The following DOCK10 variants were observed in gnomAD, a reference collection of about 807,000 sequenced individuals.
The protein encoded by DOCK10 is dedicator of cytokinesis protein 10.
Under a neutral mutation model 280.1 loss-of-function variants are expected in DOCK10, and 145 were observed. That is an observed-to-expected ratio of 0.52 (90% CI 0.45 to 0.59). The LOEUF is 0.59. DOCK10 is among the 20% of genes least tolerant of loss of function. The pLI, the probability that DOCK10 is intolerant of heterozygous loss-of-function variation, is 0.00. For synonymous variants in DOCK10, 915 were observed against 942.2 expected, an observed-to-expected ratio of 0.97 and a Z score of 0.53; for missense variants, 2,368 against 2,651.7, an observed-to-expected ratio of 0.89 and a Z score of 2.35.
chr2:224,773,136 C>T (rs1294969559), intron 53 of DOCK10, 21 bp downstream of exon 53: 1 of 1,589,330 alleles, frequency 6.3e-7, no homozygotes, highest in African/African-American at 1.3e-5. Context: ...TGCATCTCAG[C>T]CCTGGGCAAT....
At chr2:224,876,884 C>T (rs1559632434) in intron 7 of DOCK10, among the ~76,000 whole-genome samples, 1 of 152,142 alleles carries the variant, frequency 6.6e-6, no homozygotes. Context: ...TCATCTATTC[C>T]AATGGCTTCA....
chr2:225,035,095 G>A (rs1690185255), intron 1 of DOCK10, among the ~76,000 whole-genome samples: 2 of 152,174 alleles, frequency 1.3e-5, no homozygotes, highest in Non-Finnish European at 2.9e-5. Context: ...AAAGAGAGAA[G>A]GGACTTCATC....
chr2:224,787,438 G>T (rs1691811130), intron 48 of DOCK10, 41 bp from the exon 49 acceptor site: 1 of 1,606,714 alleles, frequency 6.2e-7, no homozygotes, highest in East Asian at 2.2e-5. Context: ...ACATGATTAG[G>T]GTTGTGGCTC....
intron 29 of DOCK10, 68 bp downstream of exon 29, chr2:224,819,378 C>G (rs1267002782): frequency 2.8e-6 from 3 of 1,068,664 alleles, no homozygotes; most frequent in Non-Finnish European, 4.2e-6. Context: ...CAGGTATCCA[C>G]AGAGACTACT....
At chr2:224,880,489 A>T (rs1698916653) in intron 7 of DOCK10, among the ~76,000 whole-genome samples, 3 of 152,238 alleles carry the variant, frequency 2.0e-5, no homozygotes, top group African/African-American at 4.8e-5. Flanking sequence ...AGTCATTAAA[A>T]TGGTAATCAA....
intron 1 of DOCK10, among the ~76,000 whole-genome samples, chr2:224,988,843 G>A (rs1238180026): frequency 6.6e-6 from 1 of 152,110 alleles, no homozygotes; most frequent in African/African-American, 2.4e-5. Context: ...GTGTTCACTG[G>A]CAGCAGTGAC....
chr2:224,784,852 T>C (rs1691627379), intron 50 of DOCK10: 2 of 1,051,846 alleles, frequency 1.9e-6, no homozygotes, highest in African/African-American at 1.6e-5. Context: ...TCTCATATAT[T>C]GGTTGCAGAA....
At chr2:225,007,407 C>G (rs1300771203) in intron 1 of DOCK10, among the ~76,000 whole-genome samples, 1 of 152,108 alleles carries the variant, frequency 6.6e-6, no homozygotes, top group Admixed American at 6.6e-5. Context: ...AAGTTTAAAG[C>G]AGACTTAGTA....
rs1342235348 is a variant in DOCK10 at position 224,770,899 on chromosome 2, T to G, written c.6205-254A>C. On this transcript the variant is annotated intron_variant, in intron 53 of 55. Coordinates refer to ENST00000258390, the MANE Select transcript of DOCK10 (RefSeq NM_014689.3). The surrounding 1 kb of genome is among the most constrained non-coding windows in gnomAD (Gnocchi z 4.5). The stretch of plus-strand genomic sequence containing the variant: ...CCAACCCCTTCACATTTTTTTTTTT[T>G]GTCATATCTGTACGTTGCTTGAACT... Among the ~76,000 whole-genome samples, 1 of 151,946 alleles carries G rather than the reference T, an allele frequency of 6.6e-6. No homozygotes were observed. The highest frequency in any genetic ancestry group is 2.4e-5 in the African/African-American group (1 of 41,260).
In DOCK10 at chr2:224,991,026, G is replaced by A. The variant is rs569592045; in HGVS notation, c.123+51226C>T. 9.8e-5 allele frequency among the ~76,000 whole-genome samples: 15 copies of A among 152,336 alleles called. No homozygotes were observed. In the South Asian group the frequency reaches 2.9e-3, roughly 29 times the overall value. ...AAGAGCTTGCTGAACTAAGCTCACA[G>A]TGACTTTTGACCAGAAGCAATATCA... On this transcript the variant is annotated intron_variant, in intron 1 of 55. Transcript: ENST00000258390.
chr2:224,934,002 A>G (rs1460756195), intron 1 of DOCK10, among the ~76,000 whole-genome samples: 1 of 152,192 alleles, frequency 6.6e-6, no homozygotes, highest in Non-Finnish European at 1.5e-5. Flanking sequence ...AAATTAGTAC[A>G]ATAGGCAAAT....
chr2:224,933,155 A>G (rs545287348), intron 1 of DOCK10, among the ~76,000 whole-genome samples: 5 of 152,360 alleles, frequency 3.3e-5, no homozygotes, highest in Admixed American at 2.0e-4. Flanking sequence ...GCTGTGAGAC[A>G]TTGAGTATTT....
At position 224,840,214 on chromosome 2, in the gene DOCK10, T is replaced by C. The variant is rs1040496849; in HGVS notation, c.2662-142A>G. On this transcript the variant is annotated intron_variant, in intron 23 of 55. Coordinates refer to ENST00000258390, the MANE Select transcript of DOCK10 (RefSeq NM_014689.3). Reference sequence around the variant, plus strand: ...TTAGACTGGGCAATGATTTTTTGGATATGACCCTCAAAGCTCAGGCAGCAA... The same window carrying C: ...TTAGACTGGGCAATGATTTTTTGGACATGACCCTCAAAGCTCAGGCAGCAA... 5.3e-5 allele frequency: 28 copies of C among 525,462 alleles called. 1 individual carries two copies. Among genetic ancestry groups the C allele is most frequent in the Non-Finnish European group, 8.9e-5 (26 of 292,890 alleles). The allele number at this position is 525,462 out of a possible 1,614,324, so 32.5% of individuals were successfully genotyped here. A position where few individuals can be genotyped will look rare whatever the true frequency, so the allele number is the denominator to read the frequency against.
chr2:224,988,263 C>A (rs1006316289), intron 1 of DOCK10, among the ~76,000 whole-genome samples: 3 of 152,124 alleles, frequency 2.0e-5, no homozygotes, highest in Non-Finnish European at 2.9e-5. Context: ...GTAATTACAT[C>A]CTGATTGATT....
At chr2:225,031,120 G>A (rs1690062727) in intron 1 of DOCK10, among the ~76,000 whole-genome samples, 1 of 152,194 alleles carries the variant, frequency 6.6e-6, no homozygotes, top group Non-Finnish European at 1.5e-5. Flanking sequence ...AGTATCAGAA[G>A]TGTAAGGGCA....
At chr2:225,010,464 C>A (rs1689401423) in intron 1 of DOCK10, 1 of 153,810 alleles carries the variant, frequency 6.5e-6, no homozygotes, top group South Asian at 2.1e-4. Flanking sequence ...TGTCTCCTGG[C>A]CTGGTAAACT....
At chr2:224,908,917 G>A (rs1464513620) in intron 3 of DOCK10, among the ~76,000 whole-genome samples, 1 of 152,154 alleles carries the variant, frequency 6.6e-6, no homozygotes, top group Admixed American at 6.5e-5. Flanking sequence ...CAGCAGCATT[G>A]GTTTTCAGAA....
At chr2:224,816,292 G>A (rs1694132972) in intron 30 of DOCK10, among the ~76,000 whole-genome samples, 1 of 150,728 alleles carries the variant, frequency 6.6e-6, no homozygotes, top group South Asian at 2.1e-4. Flanking sequence ...TGAAAGGAAA[G>A]CTGTCTTTTG....
At chr2:224,875,754 C>T (rs1009653701) in intron 8 of DOCK10, among the ~76,000 whole-genome samples, 7 of 152,146 alleles carry the variant, frequency 4.6e-5, no homozygotes, top group Non-Finnish European at 1.0e-4. Flanking sequence ...AAGGTAATGT[C>T]CCATTGGACA....
Sources: gnomAD v4.1 joint callset for allele counts (sites outside exome capture counted in the v4.1 genomes callset) on GRCh38, gnomAD v4.1.1 for gene constraint, Gnocchi (gnomAD v3.1) non-coding constraint, MANE v1.5 for transcripts, NCBI Gene and HGNC (gene_info 2026-07-23, HGNC 2026-07-21) for gene names.